The following PDE1C variants were observed in gnomAD, a reference collection of about 807,000 sequenced individuals.
PDE1C encodes the protein dual specificity calcium/calmodulin-dependent 3',5'-cyclic nucleotide phosphodiesterase 1C.
PDE1C carries 62 observed loss-of-function variants against 93.1 expected under a neutral mutation model. That is an observed-to-expected ratio of 0.67 (90% CI 0.54 to 0.82). The LOEUF (loss-of-function observed/expected upper bound fraction) is 0.82. PDE1C is among the 40% of genes least tolerant of loss of function. PDE1C has a pLI of 0.00. For missense variants in PDE1C, 742 were observed against 884.6 expected (o/e 0.84, Z 2.04); for synonymous variants, 325 against 310.1 (o/e 1.05, Z -0.50).
intron 1 of PDE1C, among the ~76,000 whole-genome samples, chr7:32,277,110 A>T (rs370820732): frequency 6.5e-4 from 99 of 152,222 alleles, no homozygotes; most frequent in Middle Eastern, 3.4e-3. Flanking sequence ...TTAGCCAGGC[A>T]TGGTTGTGCA....
At chr7:31,621,309 A>G in the PDE1C span, among the ~76,000 whole-genome samples, 1 of 78,730 alleles carries the variant, frequency 1.3e-5, no homozygotes, top group Non-Finnish European at 2.7e-5. Flanking sequence ...TAATTGTCAG[A>G]TTCACCAAAG....
At chr7:32,036,935 T>TG (rs1311538704) in intron 2 of PDE1C, among the ~76,000 whole-genome samples, 16 of 152,184 alleles carry the variant, frequency 1.1e-4, no homozygotes, top group Admixed American at 9.8e-4. Context: ...GCAATTTGTG[T>TG]TTTAACAGAC....
chr7:31,972,579 G>C (rs990458252), intron 2 of PDE1C, among the ~76,000 whole-genome samples: 4 of 152,160 alleles, frequency 2.6e-5, no homozygotes, highest in Non-Finnish European at 5.9e-5. Context: ...AGCTTCTCTA[G>C]TTTTGGACAA....
the PDE1C span, among the ~76,000 whole-genome samples, chr7:31,734,920 A>AT: frequency 6.6e-6 from 1 of 152,206 alleles, no homozygotes; most frequent in Non-Finnish European, 1.5e-5. Context: ...TGCCGAGACT[A>AT]TTTTAAAAGT....
chr7:31,907,070 GGTGTGTGTGTGTGT>G (rs55999814), intron 2 of PDE1C, among the ~76,000 whole-genome samples: 1 of 145,206 alleles, frequency 6.9e-6, no homozygotes, highest in Non-Finnish European at 1.5e-5. Context: ...TGATATGTGG[GGTGTGTGTGTGTGT>G]GTGTGTGTGT....
chr7:31,665,925 C>T, the PDE1C span, among the ~76,000 whole-genome samples: 12 of 152,132 alleles, frequency 7.9e-5, no homozygotes, highest in Non-Finnish European at 1.6e-4. Context: ...TTGGAGCAGG[C>T]CCAGATAAGA....
rs532645305 is a variant in PDE1C, at chr7:31,991,352, G to T, written c.128+60202C>A. ...CTGAGGCAAAGATTGGAAATGAGGT[G>T]GTAGGGACAGAGTCAAGCAATGTCT... On this transcript the variant is annotated intron_variant, in intron 2 of 17. Transcript: ENST00000396191. 1.2e-4 allele frequency among the ~76,000 whole-genome samples: 18 copies of T among 152,298 alleles called. No homozygotes were observed. The East Asian group carries it at 2.7e-3, about 23-fold the overall frequency.
intron 1 of PDE1C, among the ~76,000 whole-genome samples, chr7:32,261,490 C>T (rs1192353927): frequency 6.6e-6 from 1 of 152,186 alleles, no homozygotes. Context: ...AAACTCCAGT[C>T]TCTCGCACAG....
chr7:32,100,087 A>T (rs780999780), intron 3 of PDE1C, among the ~76,000 whole-genome samples: 4 of 152,212 alleles, frequency 2.6e-5, no homozygotes, highest in Non-Finnish European at 4.4e-5. Flanking sequence ...GTCAGAGAAG[A>T]GTCCCTTAGA....
chr7:31,657,913 G>T, the PDE1C span, among the ~76,000 whole-genome samples: 1 of 152,080 alleles, frequency 6.6e-6, no homozygotes, highest in South Asian at 2.1e-4. Flanking sequence ...TTAGAAATCA[G>T]CCAAGGAAAA....
intron 2 of PDE1C, among the ~76,000 whole-genome samples, chr7:31,915,925 G>C (rs190173047): frequency 3.9e-5 from 6 of 152,120 alleles, no homozygotes; most frequent in Admixed American, 6.5e-5. Flanking sequence ...AAGTATATTG[G>C]GGGACAAAAA....
intron 1 of PDE1C, among the ~76,000 whole-genome samples, chr7:32,235,458 G>A (rs1362476306): frequency 1.3e-5 from 2 of 151,584 alleles, no homozygotes; most frequent in Non-Finnish European, 2.9e-5. Flanking sequence ...GTTTAGTAAG[G>A]TCAGAGGATC....
chr7:32,057,723 C>T (rs754927052), intron 1 of PDE1C, among the ~76,000 whole-genome samples: 17 of 152,096 alleles, frequency 1.1e-4, no homozygotes, highest in African/African-American at 4.8e-5. Context: ...AGGCAAACAG[C>T]GAGAAACAAC....
intron 2 of PDE1C, among the ~76,000 whole-genome samples, chr7:32,030,209 A>G (rs572416408): frequency 6.6e-6 from 1 of 152,080 alleles, no homozygotes; most frequent in South Asian, 2.1e-4. Context: ...AAGACTGGAC[A>G]CTTTGGTCTT....
intron 2 of PDE1C, among the ~76,000 whole-genome samples, chr7:31,909,290 AT>A (rs1484051869): frequency 3.9e-5 from 6 of 152,324 alleles, no homozygotes; most frequent in Admixed American, 2.0e-4. Context: ...ACGAAAAACA[AT>A]TTTAAAAATT....
intron 4 of PDE1C, among the ~76,000 whole-genome samples, 200 bp from the exon 5 acceptor site, chr7:31,878,236 A>G (rs1320328409): frequency 6.6e-6 from 1 of 152,174 alleles, no homozygotes; most frequent in Non-Finnish European, 1.5e-5. Flanking sequence ...GCAATCCCAA[A>G]CATATGAACC....
At position 32,143,689 on chromosome 7, in the gene PDE1C, C is replaced by T. The variant is rs920681403; in HGVS notation, c.308+26096G>A. The stretch of plus-strand genomic sequence containing the variant: ...AGCTCAAGACTCACATTTTAAAGGG[C>T]AAAATGTACTTTTTCTCTTTTATTT... On this transcript the variant is annotated intron_variant, in intron 3 of 18. Coordinates refer to the PDE1C transcript ENST00000396193. Among the ~76,000 whole-genome samples the T allele has an allele frequency of 8.5e-5, 13 of 152,134 alleles. 1 individual carries two copies. Among genetic ancestry groups the T allele is most frequent in the Admixed American group, 7.9e-4 (12 of 15,270 alleles).
At chr7:32,188,660 T>A (rs1307792944) in intron 2 of PDE1C, among the ~76,000 whole-genome samples, 6 of 152,158 alleles carry the variant, frequency 3.9e-5, no homozygotes, top group African/African-American at 1.4e-4. Context: ...CAAAGTAGGA[T>A]TTGCATTTTT....
chr7:31,679,396 G>T, the PDE1C span, among the ~76,000 whole-genome samples: 1 of 152,196 alleles, frequency 6.6e-6, no homozygotes, highest in South Asian at 2.1e-4. Context: ...TTTAAAATTT[G>T]CTTTCGCATA....
Sources: gnomAD v4.1 joint callset for allele counts (sites outside exome capture counted in the v4.1 genomes callset) on GRCh38, gnomAD v4.1.1 for gene constraint, MANE v1.5 for transcripts, NCBI Gene and HGNC (gene_info 2026-07-23, HGNC 2026-07-21) for gene names.